Variants in NME9 observed in about 807,000 individuals in gnomAD.
The protein encoded by NME9 is NME/NM23 family member 9.
Under a neutral mutation model 44.4 loss-of-function variants are expected in NME9, and 48 were observed. That is an observed-to-expected ratio of 1.08 (90% CI 0.86 to 1.37). The LOEUF is 1.37. Ranked by LOEUF, NME9 falls within the 40% of genes most tolerant of loss-of-function variation. NME9 has a pLI of 0.00. For missense variants in NME9, 325 were observed against 405.2 expected, an observed-to-expected ratio of 0.80 and a Z score of 1.70; for synonymous variants, 139 against 147.1, an observed-to-expected ratio of 0.94 and a Z score of 0.40.
Position 138,303,584 on chromosome 3 carries a change from C to G in NME9, c.851G>C (p.Arg284Thr), listed in dbSNP as rs1191225758. The G allele has an allele frequency of 1.9e-6, 3 of 1,614,056 alleles. No homozygotes were observed. The South Asian group carries it at 3.3e-5, about 18-fold the overall frequency. Reference protein sequence around the residue: ...PFNAVHGSRDREDADRELALL... With the variant: ...PFNAVHGSRDTEDADRELALL... ...TGCCAGTTCTCTGTCAGCATCTTCT[C>G]TGTCCCGGCTTCCATGGACGGCATT... The change falls in exon 10 of 11, where the codon AGA (arginine) becomes ACA (threonine). Residue 284 changes from arginine (R) to threonine (T), a missense_variant. Transcript: ENST00000333911.
intron 4 of NME9, among the ~76,000 whole-genome samples, chr3:138,316,443 A>G (rs1306066752): frequency 3.3e-5 from 5 of 152,182 alleles, no homozygotes; most frequent in Non-Finnish European, 7.4e-5. Flanking sequence ...TGAAGAAACA[A>G]TTACAATACT....
At chr3:138,304,705 G>A (rs2052102556) in intron 9 of NME9, among the ~76,000 whole-genome samples, 168 bp downstream of exon 9, 1 of 152,230 alleles carries the variant, frequency 6.6e-6, no homozygotes, top group Non-Finnish European at 1.5e-5. Context: ...GCTGAGGACT[G>A]GAACAGAGCG....
At chr3:138,288,946 A>C (rs899519889) in intron 8 of NME9, 4 of 920,726 alleles carry the variant, frequency 4.3e-6, no homozygotes, top group Non-Finnish European at 6.7e-6. Context: ...CCTGCTTCAG[A>C]CTTTTAGGTT....
chr3:138,295,844 A>G (rs779626850), intron 8 of NME9: 1 of 1,613,436 alleles, frequency 6.2e-7, no homozygotes, highest in Non-Finnish European at 8.5e-7. Flanking sequence ...GCTAACAGGA[A>G]TTTTGTGATT....
At chr3:138,281,355 C>T (rs6801326) in intron 8 of NME9, among the ~76,000 whole-genome samples, 44 of 151,140 alleles carry the variant, frequency 2.9e-4, no homozygotes, top group African/African-American at 1.0e-3. Flanking sequence ...TGCAGTGACG[C>T]GATATCGGCT....
chr3:138,316,513 G>T (rs1373618265), intron 4 of NME9, among the ~76,000 whole-genome samples: 1 of 152,218 alleles, frequency 6.6e-6, no homozygotes, highest in Non-Finnish European at 1.5e-5. Flanking sequence ...GGCAAGAATT[G>T]CCAGCATCAT....
At chr3:138,277,545 A>G (rs2049419097) in intron 8 of NME9, among the ~76,000 whole-genome samples, 1 of 152,240 alleles carries the variant, frequency 6.6e-6, no homozygotes, top group Non-Finnish European at 1.5e-5. Context: ...TTCTCAAAAC[A>G]ACAAGAAAAC....
At chr3:138,281,442 G>T (rs531540050) in intron 8 of NME9, among the ~76,000 whole-genome samples, 2 of 151,876 alleles carry the variant, frequency 1.3e-5, no homozygotes, top group East Asian at 3.9e-4. Flanking sequence ...ACAGGCATGC[G>T]CCACCACACC....
At chr3:138,272,482 G>A (rs537804737) in intron 8 of NME9, among the ~76,000 whole-genome samples, 7 of 152,180 alleles carry the variant, frequency 4.6e-5, no homozygotes, top group South Asian at 2.1e-4. Context: ...TAACAGTTAC[G>A]TTTCTCTTGA....
intron 3 of NME9, among the ~76,000 whole-genome samples, chr3:138,319,206 G>C (rs1421197658): frequency 2.0e-5 from 3 of 152,030 alleles, no homozygotes; most frequent in Non-Finnish European, 4.4e-5. Flanking sequence ...AGAAGAGGGA[G>C]AATATGCATT....
Position 138,322,490 on chromosome 3 carries a change from GTGT to G in NME9, c.91+2380_91+2382del, listed in dbSNP as rs1320780684. ...TGGCAGAGACAAGAAAAAGGGGTGT[GTGT>G]GTGTGTGTGTGTGTGTGTGTGTGTG... On this transcript the variant is annotated intron_variant, in intron 2 of 10. Transcript: ENST00000333911. Among the ~76,000 whole-genome samples, 8 of 29,094 alleles carry G rather than the reference GTGT, an allele frequency of 2.7e-4. No individual in the cohort carries two copies. The South Asian group carries it at 7.2e-3, about 26-fold the overall frequency. 19.1% of individuals were successfully genotyped at this position (29,094 alleles called of 152,430 possible).
At chr3:138,294,106 A>G (rs571988321) in intron 8 of NME9, among the ~76,000 whole-genome samples, 3 of 152,324 alleles carry the variant, frequency 2.0e-5, no homozygotes, top group Middle Eastern at 3.4e-3. Context: ...TCTGAATAAG[A>G]TCCAGAAGGA....
intron 8 of NME9, chr3:138,287,499 T>A: frequency 5.5e-6 from 2 of 360,576 alleles, no homozygotes; most frequent in Non-Finnish European, 1.1e-5. Flanking sequence ...CCTTAAAAAA[T>A]ATTGAATGAT....
At chr3:138,275,428 G>A (rs762186405) in intron 8 of NME9, among the ~76,000 whole-genome samples, 1 of 152,086 alleles carries the variant, frequency 6.6e-6, no homozygotes, top group Admixed American at 6.6e-5. Flanking sequence ...GCGCGGTGGC[G>A]GGTGCCTGTA....
intron 8 of NME9, among the ~76,000 whole-genome samples, chr3:138,279,168 A>G (rs968485759): frequency 1.3e-5 from 2 of 152,190 alleles, no homozygotes; most frequent in Admixed American, 6.5e-5. Flanking sequence ...TCCCTTTATT[A>G]AAGAAAGGAA....
intron 8 of NME9, among the ~76,000 whole-genome samples, chr3:138,265,324 CTAA>C (rs1377188751): frequency 6.6e-6 from 1 of 152,174 alleles, no homozygotes; most frequent in Non-Finnish European, 1.5e-5. Flanking sequence ...CAAGTGGCTG[CTAA>C]TAATGTTATC....
chr3:138,274,764 G>A (rs1301736834), intron 8 of NME9, among the ~76,000 whole-genome samples: 1 of 152,164 alleles, frequency 6.6e-6, no homozygotes, highest in Non-Finnish European at 1.5e-5. Context: ...TTTGCTCTCT[G>A]TGTCATGCAC....
chr3:138,262,239 T>G (rs2047815946), exon 9 of NME9: 1 of 258,222 alleles, frequency 3.9e-6, no homozygotes. Context: ...AAGGGAGGAA[T>G]TTAGGGGCTA....
intron 3 of NME9, 75 bp downstream of exon 3, chr3:138,319,403 C>T: frequency 3.5e-6 from 3 of 852,774 alleles, no homozygotes; most frequent in African/African-American, 1.7e-5. Flanking sequence ...TCTCACACTT[C>T]TCCTTCCTGA....
Sources: gnomAD v4.1 joint callset for allele counts (sites outside exome capture counted in the v4.1 genomes callset) on GRCh38, gnomAD v4.1.1 for gene constraint, MANE v1.5 for transcripts, NCBI Gene and HGNC (gene_info 2026-07-23, HGNC 2026-07-21) for gene names.